Variants in AKR1C4 observed in about 807,000 individuals in gnomAD.
AKR1C4 encodes aldo-keto reductase family 1 member C4.
In AKR1C4, 44 loss-of-function variants were observed where a neutral mutation model predicts 41.0. The ratio of observed to expected loss-of-function variants is 1.07; its 90% CI spans 0.84 to 1.38. The LOEUF (loss-of-function observed/expected upper bound fraction) is 1.38. Ranked by LOEUF, AKR1C4 falls within the 40% of genes most tolerant of loss-of-function variation. The probability of loss-of-function intolerance (pLI) is 0.00; values close to 1 mark genes in which losing one functional copy is unlikely to be tolerated. For missense variants in AKR1C4, 438 were observed against 387.9 expected (o/e 1.13, Z -1.09); for synonymous variants, 165 against 137.7 (o/e 1.20, Z -1.39).
At position 5,206,404 on chromosome 10, in the gene AKR1C4, A is replaced by G. The variant is rs1222010973; in HGVS notation, c.570+7A>G. ...CAAGCCTGTCTGCAACCAGGTGAGC[A>G]CCCTCAGCCTCCTCTCCTTTCTCTT... On this transcript the variant is annotated splice_region_variant and intron_variant, in intron 5 of 8. Transcript: ENST00000263126. 2.6e-5 allele frequency: 42 copies of G among 1,613,782 alleles called. No individual in the cohort carries two copies. The highest frequency in any genetic ancestry group is 3.5e-5 in the Non-Finnish European group (41 of 1,179,916).
chr10:5,217,112 G>A (rs916262339), intron 8 of AKR1C4, among the ~76,000 whole-genome samples: 5 of 152,266 alleles, frequency 3.3e-5, no homozygotes, highest in Non-Finnish European at 7.3e-5. Flanking sequence ...GTGGACAGTA[G>A]ATATTGCCCA....
intron 7 of AKR1C4, among the ~76,000 whole-genome samples, chr10:5,216,457 C>T (rs781984050): frequency 2.6e-4 from 40 of 152,006 alleles, no homozygotes; most frequent in Admixed American, 1.2e-3. Flanking sequence ...AGGTCAACTT[C>T]GTTCCATCTT....
At chr10:5,213,295 G>A in intron 7 of AKR1C4, 136 bp downstream of exon 7, 2 of 1,396,728 alleles carry the variant, frequency 1.4e-6, no homozygotes, top group South Asian at 1.5e-5. Flanking sequence ...GTGTGCATAA[G>A]TGTTTTCTAC....
intron 1 of AKR1C4, 134 bp from the exon 2 acceptor site, chr10:5,200,047 G>T (rs781978654): frequency 1.1e-5 from 12 of 1,117,782 alleles, no homozygotes; most frequent in African/African-American, 4.7e-5. Context: ...CTCCCCTAGA[G>T]GTCTGAGCAG....
intron 2 of AKR1C4, among the ~76,000 whole-genome samples, chr10:5,202,847 A>G (rs1008262086): frequency 3.3e-5 from 5 of 151,656 alleles, no homozygotes; most frequent in African/African-American, 4.9e-5. Flanking sequence ...ATCATGATAT[A>G]TTTTTGATGT....
At chr10:5,200,146 T>A (rs782799848) in intron 1 of AKR1C4, 35 bp from the exon 2 acceptor site, 2 of 1,592,014 alleles carry the variant, frequency 1.3e-6, no homozygotes, top group South Asian at 1.2e-5. Context: ...TCAAGCACAT[T>A]GATCACCAAA....
At chr10:5,218,664 C>A in intron 8 of AKR1C4, 54 bp from the exon 9 acceptor site, 1 of 1,450,874 alleles carries the variant, frequency 6.9e-7, no homozygotes, top group Non-Finnish European at 9.7e-7. Flanking sequence ...TTGCTACCAG[C>A]TTTTTAATAG....
intron 3 of AKR1C4, among the ~76,000 whole-genome samples, 195 bp from the exon 4 acceptor site, chr10:5,205,562 A>T (rs995413488): frequency 6.6e-6 from 1 of 152,182 alleles, no homozygotes; most frequent in South Asian, 2.1e-4. Context: ...ATATAATGGA[A>T]GTAGGAGATT....
chr10:5,199,018 C>T (rs7092102), intron 1 of AKR1C4, among the ~76,000 whole-genome samples: 29,916 of 151,898 alleles, frequency 0.2, 3,048 homozygotes, highest in Middle Eastern at 0.27. Context: ...GAGACTCTGT[C>T]TCAAATAATA....
chr10:5,218,583 G>T (rs943036900), intron 8 of AKR1C4, 135 bp from the exon 9 acceptor site: 38 of 550,734 alleles, frequency 6.9e-5, no homozygotes, highest in Non-Finnish European at 1.1e-4. Context: ...GTTCATGAAA[G>T]ACATTCTACA....
intron 8 of AKR1C4, among the ~76,000 whole-genome samples, chr10:5,217,567 C>T (rs1216727887): frequency 6.6e-6 from 1 of 152,202 alleles, no homozygotes; most frequent in Non-Finnish European, 1.5e-5. Flanking sequence ...TCAGACCAGC[C>T]TGGCCAAAAT....
intron 2 of AKR1C4, among the ~76,000 whole-genome samples, chr10:5,200,970 A>G (rs1270598697): frequency 1.3e-5 from 2 of 151,620 alleles, no homozygotes; most frequent in African/African-American, 4.8e-5. Flanking sequence ...TCCATGATGT[A>G]TATATATATA....
At position 5,197,097 on chromosome 10, in the gene AKR1C4, A is replaced by C; in HGVS notation, c.84+146A>C. 3 of 753,600 alleles carry C rather than the reference A, an allele frequency of 4.0e-6. No individual in the cohort carries two copies. The East Asian group carries it at 7.7e-5, about 19-fold the overall frequency. The allele number at this position is 753,600 out of a possible 1,614,324, so 46.7% of individuals were successfully genotyped here. A position where few individuals can be genotyped will look rare whatever the true frequency, so the allele number is the denominator to read the frequency against. On this transcript the variant is annotated intron_variant, in intron 1 of 8. Transcript: ENST00000263126. The stretch of plus-strand genomic sequence containing the variant: ...ACTGGGCTAGAGCTATTCTATGTTC[A>C]AAGAGAAAAGGTAGTCAATGTTTGT...
At chr10:5,213,576 T>C (rs1435899097) in intron 7 of AKR1C4, among the ~76,000 whole-genome samples, 3 of 152,206 alleles carry the variant, frequency 2.0e-5, no homozygotes, top group Non-Finnish European at 2.9e-5. Context: ...AATCTTTGGG[T>C]ATTTTATTAG....
chr10:5,205,763 G>A lies in AKR1C4; in HGVS notation c.376G>A (p.Glu126Lys), dbSNP rs1554797411. 21 of 1,613,244 alleles carry A rather than the reference G, an allele frequency of 1.3e-5. No homozygotes were observed. Among genetic ancestry groups the A allele is most frequent in the Non-Finnish European group, 1.7e-5 (20 of 1,179,446 alleles). Reference sequence around the variant, plus strand: ...GTGACTGCTTCTACTTCAGCCAGGTGAGACGCCACTACCAAAAGATGAAAA... The same window carrying A: ...GTGACTGCTTCTACTTCAGCCAGGTAAGACGCCACTACCAAAAGATGAAAA... ...LHFPMALKPG[E>K]TPLPKDENGK... The change falls in exon 4 of 9, where the codon GAG becomes AAG. Residue 126 changes from glutamate to lysine, a missense_variant. By Grantham distance (56) the Glu-to-Lys change is moderately conservative. Transcript: ENST00000263126.
intron 7 of AKR1C4, among the ~76,000 whole-genome samples, chr10:5,215,001 T>C (rs1304698185): frequency 6.6e-6 from 1 of 152,236 alleles, no homozygotes; most frequent in Admixed American, 6.5e-5. Context: ...TTTCACATTA[T>C]AGCTGTTTGT....
intron 7 of AKR1C4, among the ~76,000 whole-genome samples, chr10:5,214,155 G>A (rs905538847): frequency 3.9e-5 from 6 of 152,006 alleles, no homozygotes; most frequent in Admixed American, 6.6e-5. Context: ...GAGTACAAAT[G>A]TACATATACA....
intron 7 of AKR1C4, among the ~76,000 whole-genome samples, chr10:5,215,394 T>C (rs1832640498): frequency 6.6e-6 from 1 of 152,206 alleles, no homozygotes; most frequent in Non-Finnish European, 1.5e-5. Flanking sequence ...AAAAAAATAC[T>C]TGATGCTGGG....
At chr10:5,213,940 G>C (rs1554798213) in intron 7 of AKR1C4, among the ~76,000 whole-genome samples, 1 of 151,832 alleles carries the variant, frequency 6.6e-6, no homozygotes, top group East Asian at 1.9e-4. Flanking sequence ...TCTTAATGTA[G>C]TCAAATTCTT....
Sources: gnomAD v4.1 joint callset for allele counts (sites outside exome capture counted in the v4.1 genomes callset) on GRCh38, gnomAD v4.1.1 for gene constraint, MANE v1.5 for transcripts, NCBI Gene and HGNC (gene_info 2026-07-23, HGNC 2026-07-21) for gene names.